The following MYO16 variants were observed in gnomAD, a reference collection of about 807,000 sequenced individuals.
MYO16 encodes myosin XVI.
In MYO16, 94 loss-of-function variants were observed where a neutral mutation model predicts 205.3. That is an observed-to-expected ratio of 0.46 (90% CI 0.39 to 0.54). MYO16 has a LOEUF of 0.54. MYO16 is among the 20% of genes least tolerant of loss of function. The pLI, the probability that MYO16 is intolerant of heterozygous loss-of-function variation, is 0.00. For synonymous variants in MYO16, 988 were observed against 954.0 expected, an observed-to-expected ratio of 1.04 and a Z score of -0.66; for missense variants, 2,315 against 2,387.5, an observed-to-expected ratio of 0.97 and a Z score of 0.63.
At chr13:108,560,205 G>T in the MYO16 span, among the ~76,000 whole-genome samples, 1 of 152,156 alleles carries the variant, frequency 6.6e-6, no homozygotes, top group African/African-American at 2.4e-5. Flanking sequence ...ATCTATGAAG[G>T]CACACTGCTG....
intron 20 of MYO16, among the ~76,000 whole-genome samples, chr13:108,984,825 TA>T (rs1189207500): frequency 3.3e-5 from 5 of 152,322 alleles, no homozygotes; most frequent in African/African-American, 4.8e-5. Context: ...ATCCTTATGT[TA>T]ATGTGCGTGG....
At chr13:108,551,212 A>G in the MYO16 span, among the ~76,000 whole-genome samples, 4 of 152,132 alleles carry the variant, frequency 2.6e-5, no homozygotes, top group Non-Finnish European at 5.9e-5. Flanking sequence ...TACATCTTTC[A>G]AGTATACCTA....
intron 16 of MYO16, among the ~76,000 whole-genome samples, chr13:108,926,140 G>A (rs753173669): frequency 3.3e-5 from 5 of 152,160 alleles, no homozygotes; most frequent in Non-Finnish European, 5.9e-5. Flanking sequence ...TGTTGACAGA[G>A]GCCTTCCCAG....
At chr13:108,810,967 A>T (rs1367523429) in intron 7 of MYO16, among the ~76,000 whole-genome samples, 1 of 152,232 alleles carries the variant, frequency 6.6e-6, no homozygotes, top group African/African-American at 2.4e-5. Flanking sequence ...AAAAACTAGG[A>T]ACTGAATAAA....
chr13:108,942,644 A>G (rs981187213), intron 16 of MYO16, among the ~76,000 whole-genome samples: 1 of 152,218 alleles, frequency 6.6e-6, no homozygotes, highest in African/African-American at 2.4e-5. Context: ...TCGTCTTTAC[A>G]GATCTGTTCC....
At chr13:108,584,345 A>AT in the MYO16 span, among the ~76,000 whole-genome samples, 1 of 152,156 alleles carries the variant, frequency 6.6e-6, no homozygotes, top group East Asian at 1.9e-4. Flanking sequence ...GAAATCAAGT[A>AT]TTTTTTATTG....
intron 4 of MYO16, among the ~76,000 whole-genome samples, chr13:108,746,045 T>C (rs1182148599): frequency 1.3e-5 from 2 of 150,198 alleles, no homozygotes; most frequent in East Asian, 3.9e-4. Flanking sequence ...AAAAAAAAAT[T>C]AGCCAGGAGT....
chr13:108,775,391 CAT>C (rs1224784389), intron 4 of MYO16, among the ~76,000 whole-genome samples: 12 of 152,190 alleles, frequency 7.9e-5, no homozygotes, highest in Middle Eastern at 3.4e-3. Flanking sequence ...TTGTAGAACA[CAT>C]AGATTTTTTA....
chr13:108,772,176 C>G (rs1885986817), intron 4 of MYO16, among the ~76,000 whole-genome samples: 1 of 150,552 alleles, frequency 6.6e-6, no homozygotes, highest in Non-Finnish European at 1.5e-5. Flanking sequence ...TGGTGAGACC[C>G]AGTTTCTGCA....
intron 5 of MYO16, among the ~76,000 whole-genome samples, chr13:108,786,766 C>A (rs1886469421): frequency 6.6e-6 from 1 of 152,174 alleles, no homozygotes; most frequent in Non-Finnish European, 1.5e-5. Context: ...CATTGCCGTG[C>A]TGCTCACATC....
intron 4 of MYO16, among the ~76,000 whole-genome samples, chr13:108,743,962 A>G (rs763646729): frequency 2.0e-5 from 3 of 152,254 alleles, no homozygotes; most frequent in Non-Finnish European, 2.9e-5. Context: ...AATTTCTTAC[A>G]TATCAAGACA....
chr13:108,866,941 A>T (rs1878750209), intron 12 of MYO16, among the ~76,000 whole-genome samples: 1 of 152,114 alleles, frequency 6.6e-6, no homozygotes, highest in Non-Finnish European at 1.5e-5. Context: ...GAGGAGAGAA[A>T]AAAAGAGAAA....
At chr13:108,611,554 A>C (rs1879172464) in intron 1 of MYO16, among the ~76,000 whole-genome samples, 1 of 152,208 alleles carries the variant, frequency 6.6e-6, no homozygotes, top group Non-Finnish European at 1.5e-5. Context: ...CATTTGATGA[A>C]TATAAAACCA....
intron 4 of MYO16, among the ~76,000 whole-genome samples, chr13:108,769,214 G>T (rs1885880605): frequency 6.6e-6 from 1 of 152,128 alleles, no homozygotes; most frequent in African/African-American, 2.4e-5. Context: ...AGAAGCCCTT[G>T]GACGAGTGGC....
chr13:108,845,253 G>A (rs950104145), intron 10 of MYO16, among the ~76,000 whole-genome samples: 2 of 152,200 alleles, frequency 1.3e-5, no homozygotes, highest in South Asian at 2.1e-4. Flanking sequence ...AGTAACTAAA[G>A]CAGATAAACA....
intron 4 of MYO16, among the ~76,000 whole-genome samples, chr13:108,730,961 G>T (rs1884502140): frequency 6.6e-6 from 1 of 152,012 alleles, no homozygotes; most frequent in Admixed American, 6.6e-5. Flanking sequence ...ATCCCATTAC[G>T]AATATTATAC....
chr13:108,624,368 T>C (rs1879654359), intron 1 of MYO16, among the ~76,000 whole-genome samples: 1 of 152,208 alleles, frequency 6.6e-6, no homozygotes, highest in Admixed American at 6.5e-5. Flanking sequence ...ATACTATTTA[T>C]TCCCTCAAAC....
chr13:109,101,401 T>G (rs1316358286), intron 28 of MYO16: 1 of 153,214 alleles, frequency 6.5e-6, no homozygotes, highest in Non-Finnish European at 1.5e-5. Flanking sequence ...AGCCCATTTG[T>G]TGGCAAAAGC....
intron 12 of MYO16, 116 bp from the exon 13 acceptor site, chr13:108,882,943 A>C: frequency 7.3e-7 from 1 of 1,370,668 alleles, no homozygotes; most frequent in Non-Finnish European, 9.9e-7. Context: ...AATGAGATTC[A>C]GAATTAGGGA....
Sources: gnomAD v4.1 joint callset for allele counts (sites outside exome capture counted in the v4.1 genomes callset) on GRCh38, gnomAD v4.1.1 for gene constraint, MANE v1.5 for transcripts, NCBI Gene and HGNC (gene_info 2026-07-23, HGNC 2026-07-21) for gene names.